Variants in SBF2 observed in about 807,000 individuals in gnomAD.
SBF2 encodes the protein myotubularin-related protein 13.
Under a neutral mutation model 225.2 loss-of-function variants are expected in SBF2, and 112 were observed. The ratio of observed to expected loss-of-function variants is 0.50; its 90% CI spans 0.43 to 0.58. The LOEUF (loss-of-function observed/expected upper bound fraction) is 0.58. Ranked by LOEUF, SBF2 falls within the 20% of genes least tolerant of loss-of-function variation. The pLI, the probability that SBF2 is intolerant of heterozygous loss-of-function variation, is 0.00. For missense variants in SBF2, 1,996 were observed against 2,206.2 expected (o/e 0.90, Z 1.91); for synonymous variants, 763 against 773.3 (o/e 0.99, Z 0.22).
intron 16 of SBF2, among the ~76,000 whole-genome samples, chr11:9,953,118 A>G (rs2134331358): frequency 6.6e-6 from 1 of 152,358 alleles, no homozygotes; most frequent in Non-Finnish European, 1.5e-5. Flanking sequence ...GAGCCAACCC[A>G]AATGCCCATC....
intron 16 of SBF2, among the ~76,000 whole-genome samples, chr11:9,926,448 T>C (rs1864062273): frequency 6.6e-6 from 1 of 152,152 alleles, no homozygotes; most frequent in South Asian, 2.1e-4. Flanking sequence ...AAAATTCTTA[T>C]ATTAGAACAC....
In SBF2 at chr11:9,856,368, T is replaced by C; in HGVS notation, c.2363+90A>G. The C allele has an allele frequency of 2.7e-6, 4 of 1,508,246 alleles. No individual in the cohort carries two copies. The East Asian group carries it at 6.8e-5, about 25-fold the overall frequency. 93.4% of individuals were successfully genotyped at this position (1,508,246 alleles called of 1,614,324 possible). ...TTAACTTTTGAAATATGTACAGCAG[T>C]ATTTGCTCAAAATGTTTAATATTAT... is the stretch of plus-strand genomic sequence containing the variant. On this transcript the variant is annotated intron_variant, in intron 19 of 39. Transcript: ENST00000256190.
intron 22 of SBF2, among the ~76,000 whole-genome samples, chr11:9,847,404 C>T (rs1856624237): frequency 6.6e-6 from 1 of 151,840 alleles, no homozygotes; most frequent in African/African-American, 2.4e-5. Context: ...GTCCTTTCCT[C>T]GAGTGAAGAA....
chr11:9,909,898 T>C (rs1423520448), intron 16 of SBF2, among the ~76,000 whole-genome samples: 8 of 152,174 alleles, frequency 5.3e-5, no homozygotes, highest in East Asian at 1.9e-4. Context: ...ATTCCTGGCA[T>C]GGCAGATCAA....
At chr11:10,221,372 C>A (rs1225280422) in intron 1 of SBF2, among the ~76,000 whole-genome samples, 1 of 152,178 alleles carries the variant, frequency 6.6e-6, no homozygotes. Flanking sequence ...CCCGCCTCAG[C>A]CTCCTAAAGT....
At chr11:10,224,884 G>GACC (rs1958478412) in intron 1 of SBF2, among the ~76,000 whole-genome samples, 1 of 152,082 alleles carries the variant, frequency 6.6e-6, no homozygotes, top group Non-Finnish European at 1.5e-5. Context: ...TGAGAACAGG[G>GACC]ACCACACCTG....
intron 16 of SBF2, among the ~76,000 whole-genome samples, chr11:9,938,722 T>G (rs1279551942): frequency 1.3e-5 from 2 of 152,152 alleles, no homozygotes; most frequent in Non-Finnish European, 2.9e-5. Context: ...TGGATATTTC[T>G]AATATACTGT....
At chr11:10,208,607 AAAG>A (rs1005498090) in intron 1 of SBF2, among the ~76,000 whole-genome samples, 6 of 152,120 alleles carry the variant, frequency 3.9e-5, no homozygotes, top group South Asian at 2.1e-4. Context: ...GGAGAAAAAA[AAAG>A]AAGCTGTTTT....
intron 16 of SBF2, among the ~76,000 whole-genome samples, chr11:9,901,140 T>C (rs1460564287): frequency 6.6e-6 from 1 of 152,138 alleles, no homozygotes; most frequent in Admixed American, 6.5e-5. Context: ...ATAGATAAAA[T>C]ATTTTAAAAT....
At position 9,863,200 on chromosome 11, in the gene SBF2, C is replaced by T. The variant is rs561599142; in HGVS notation, c.1930-4804G>A. Among the ~76,000 whole-genome samples, 56 of 152,248 alleles carry T rather than the reference C, an allele frequency of 3.7e-4. No homozygotes were observed. The South Asian group carries it at 4.8e-3, about 13-fold the overall frequency. On this transcript the variant is annotated intron_variant, in intron 17 of 39. Coordinates refer to ENST00000256190, the MANE Select transcript of SBF2 (RefSeq NM_030962.4). ...ATATGAAGAATAAACTCATGGGGCT[C>T]ACCAACCAGCAGGCCAGATTCAAAT...
At chr11:9,879,912 C>T (rs944933737) in intron 17 of SBF2, among the ~76,000 whole-genome samples, 6 of 151,752 alleles carry the variant, frequency 4.0e-5, no homozygotes, top group African/African-American at 7.3e-5. Flanking sequence ...GGCAAAACTC[C>T]GTCTTCACTA....
intron 4 of SBF2, among the ~76,000 whole-genome samples, chr11:10,030,773 T>C (rs1677572262): frequency 6.6e-6 from 1 of 152,204 alleles, no homozygotes; most frequent in Non-Finnish European, 1.5e-5. Flanking sequence ...AATCAAATTA[T>C]TTCTTTAGGA....
intron 2 of SBF2, among the ~76,000 whole-genome samples, chr11:10,079,538 G>C (rs1295172212): frequency 6.6e-6 from 1 of 152,104 alleles, no homozygotes; most frequent in Non-Finnish European, 1.5e-5. Flanking sequence ...AATCCAGTTA[G>C]ACAAAAGTTT....
intron 32 of SBF2, among the ~76,000 whole-genome samples, chr11:9,806,547 G>A (rs1000409218): frequency 6.6e-6 from 1 of 152,106 alleles, no homozygotes; most frequent in Non-Finnish European, 1.5e-5. Flanking sequence ...TTGCCAAAAG[G>A]AGTATGAATA....
chr11:10,142,171 T>C (rs779544359), intron 2 of SBF2, among the ~76,000 whole-genome samples: 1 of 152,208 alleles, frequency 6.6e-6, no homozygotes, highest in Non-Finnish European at 1.5e-5. Flanking sequence ...CAAAGAAGTA[T>C]AGATACGGAT....
At chr11:9,920,217 T>C (rs910253819) in intron 16 of SBF2, among the ~76,000 whole-genome samples, 6 of 151,160 alleles carry the variant, frequency 4.0e-5, no homozygotes, top group African/African-American at 1.5e-4. Flanking sequence ...TATATATATA[T>C]ATACACACAC....
At chr11:10,159,868 C>T (rs1050296875) in intron 2 of SBF2, among the ~76,000 whole-genome samples, 2 of 151,324 alleles carry the variant, frequency 1.3e-5, no homozygotes, top group South Asian at 4.2e-4. Context: ...CCAGCCTGGG[C>T]AACAGAGCAA....
intron 6 of SBF2, among the ~76,000 whole-genome samples, chr11:10,009,817 T>C (rs1031378955): frequency 2.0e-5 from 3 of 152,200 alleles, no homozygotes; most frequent in African/African-American, 7.2e-5. Flanking sequence ...TTCTAGATAC[T>C]GGAGGATCAT....
intron 15 of SBF2, 91 bp from the exon 16 acceptor site, chr11:9,962,197 T>G: frequency 9.0e-7 from 1 of 1,109,792 alleles, no homozygotes; most frequent in Non-Finnish European, 1.4e-6. Flanking sequence ...AAACGCATCC[T>G]ATAATTTATT....
Sources: allele counts gnomAD v4.1 joint callset (sites outside exome capture counted in the v4.1 genomes callset), GRCh38; gene constraint gnomAD v4.1.1; transcripts MANE v1.5; gene names NCBI Gene and HGNC (gene_info 2026-07-23, HGNC 2026-07-21).